The following GPR179 variants were observed in gnomAD, a reference collection of about 807,000 sequenced individuals.
The protein encoded by GPR179 is G protein-coupled receptor 179.
A neutral mutation model predicts 70.8 loss-of-function variants in GPR179; 52 were observed. That is an observed-to-expected ratio of 0.73 (90% CI 0.59 to 0.93). GPR179 has a LOEUF of 0.93. Ranked by LOEUF, GPR179 falls within the 40% of genes least tolerant of loss-of-function variation. The pLI is 0.00. For synonymous variants in GPR179, 1,123 were observed against 1,169.0 expected (o/e 0.96, Z 0.80); for missense variants, 2,734 against 2,966.8 (o/e 0.92, Z 1.82).
At position 38,333,065 on chromosome 17, in the gene GPR179, G is replaced by C. The variant is rs12601798; in HGVS notation, c.2037+186C>G. ...CTGGGGCTTTGGGGTCTTCCCACTT[G>C]GGTGTGTGTGGCCTCCTTTGAATAG... On this transcript the variant is annotated intron_variant, in intron 10 of 10. Coordinates refer to ENST00000616987, the MANE Select transcript of GPR179 (RefSeq NM_001004334.4). 1.4e-4 allele frequency among the ~76,000 whole-genome samples: 21 copies of C among 152,356 alleles called. 1 individual carries two copies. The East Asian group carries it at 4.1e-3, about 29-fold the overall frequency.
Position 38,328,682 on chromosome 17 carries a change from G to A in GPR179, c.4887C>T (p.Ile1629=), listed in dbSNP as rs370183707. ...DKEKMPGKSE[I]EDVTAWEKPE... ...GCTTTTCCCAAGCTGTGACATCTTC[G>A]ATTTCCGATTTTCCAGGCATTTTCT... The change falls in exon 11 of 11, where the codon ATC becomes ATT. Residue 1629 remains isoleucine (I), a synonymous_variant. Transcript: ENST00000616987. 9 of 1,613,960 alleles carry A rather than the reference G, an allele frequency of 5.6e-6. No homozygotes were observed. The highest frequency in any genetic ancestry group is 1.7e-5 in the Admixed American group (1 of 60,004).
chr17:38,335,362 C>A, intron 6 of GPR179, 91 bp from the exon 7 acceptor site: 1 of 981,414 alleles, frequency 1.0e-6, no homozygotes, highest in Non-Finnish European at 1.5e-6. Context: ...CCATTGCTGC[C>A]CTCTCCTCCA....
In GPR179 at chr17:38,324,814, G is replaced by T. The variant is rs1214347873; in HGVS notation, c.*1651C>A. Among the ~76,000 whole-genome samples, 1 of 152,244 alleles carries T rather than the reference G, an allele frequency of 6.6e-6. No individual in the cohort carries two copies. The highest frequency in any genetic ancestry group is 1.9e-4 in the East Asian group (1 of 5,196). Reference sequence around the variant, plus strand: ...GAATAAGGGCCCTAGGTAAGAGAATGAGGACATCTGGTCCCCAAAGGAGAG... The same window carrying T: ...GAATAAGGGCCCTAGGTAAGAGAATTAGGACATCTGGTCCCCAAAGGAGAG... On this transcript the variant is annotated 3_prime_UTR_variant, in exon 11 of 11. Transcript: ENST00000616987.
At chr17:38,333,189 T>C in intron 10 of GPR179, 62 bp downstream of exon 10, 1 of 1,509,152 alleles carries the variant, frequency 6.6e-7, no homozygotes, top group Non-Finnish European at 9.1e-7. Flanking sequence ...CAGGGCCCAG[T>C]CCTCCCTCTG....
chr17:38,327,135 T>C lies in GPR179; in HGVS notation c.6434A>G (p.Gln2145Arg). The C allele has an allele frequency of 6.2e-7, 1 of 1,614,262 alleles. No individual in the cohort carries two copies. The highest frequency in any genetic ancestry group is 1.1e-5 in the South Asian group (1 of 91,086). Residue 2145 changes from glutamine to arginine, a missense_variant, in exon 11 of 11, where the codon CAG (glutamine) becomes CGG (arginine). Gln to Arg is a conservative substitution (Grantham distance 43, BLOSUM62 1). Transcript: ENST00000616987. ...TCCTTGCCCTTGTGATTCTCTTTCCTGTTCCCCTTCCTCTGCTGCTCCTCC... is the reference window on the plus strand; with the variant it reads ...TCCTTGCCCTTGTGATTCTCTTTCCCGTTCCCCTTCCTCTGCTGCTCCTCC... Reference protein sequence around the residue: ...AGGGAAEEGEQERESQGQGEM... With the variant: ...AGGGAAEEGERERESQGQGEM...
At position 38,334,678 on chromosome 17, in the gene GPR179, G is replaced by A; in HGVS notation, c.1784+26C>T. 3 of 1,610,826 alleles carry A rather than the reference G, an allele frequency of 1.9e-6. No individual in the cohort carries two copies. Among genetic ancestry groups the A allele is most frequent in the Non-Finnish European group, 2.5e-6 (3 of 1,177,938 alleles). On this transcript the variant is annotated intron_variant, in intron 8 of 10. Transcript: ENST00000616987. The surrounding 1 kb of genome is among the most constrained non-coding windows in gnomAD (Gnocchi z 4.7). ...AGGAGTACTGTTAGAGTGGAAGGGG[G>A]TGTGGGGAGGTGAGTCCGTCCTCAC...
Position 38,329,304 on chromosome 17 carries a change from C to T in GPR179, c.4265G>A (p.Gly1422Glu), listed in dbSNP as rs972121199. ...ATFWKEQKPG[G>E]DLESLCPWES... Reference sequence around the variant, plus strand: ...CCATGGACAAAGAGACTCCAAGTCTCCTCCCGGTTTCTGTTCTTTCCAAAA... The same window carrying T: ...CCATGGACAAAGAGACTCCAAGTCTTCTCCCGGTTTCTGTTCTTTCCAAAA... Residue 1422 changes from glycine (G) to glutamate (E), a missense_variant, in exon 11 of 11, where the codon GGA becomes GAA. Gly to Glu is a moderately conservative substitution (Grantham distance 98). Coordinates refer to ENST00000616987, the MANE Select transcript of GPR179 (RefSeq NM_001004334.4). The T allele has an allele frequency of 6.2e-7, 1 of 1,612,726 alleles. No homozygotes were observed.
intron 1 of GPR179, among the ~76,000 whole-genome samples, chr17:38,340,427 C>A (rs1423967541): frequency 6.6e-6 from 1 of 152,228 alleles, no homozygotes; most frequent in African/African-American, 2.4e-5. Flanking sequence ...CAAACATATG[C>A]CACCATGCCT....
chr17:38,333,266 G>T lies in GPR179; in HGVS notation c.2022C>A (p.Asp674Glu), dbSNP rs79623844. The T allele has an allele frequency of 1.2e-6, 2 of 1,614,018 alleles. No individual in the cohort carries two copies. The highest frequency in any genetic ancestry group is 4.5e-5 in the East Asian group (2 of 44,872). Residue 674 changes from aspartate (D) to glutamate (E), a missense_variant, in exon 10 of 11, where the codon GAC becomes GAA. Asp to Glu is a conservative substitution (Grantham distance 45). Transcript: ENST00000616987. ...TGGCACATACCCGAATGTCTCCAGG[G>T]TCCAGGCTGTGCTCACTCCAGGCTG... ...IASAWSEHSL[D>E]PGDIRDELKK...
chr17:38,337,661 A>ACC lies in GPR179; in HGVS notation c.962_963insGG (p.Gly322ValfsTer12). On this transcript the variant is annotated frameshift_variant, in exon 3 of 11. Coordinates refer to ENST00000616987, the MANE Select transcript of GPR179 (RefSeq NM_001004334.4). LOFTEE classifies it high-confidence loss of function. ...CAGAGGGGCTTGCCCCGTAGAATCC[A>ACC]GGTCGGCAGCGGCAGAGGTAGCGGC... The ACC allele has an allele frequency of 6.2e-7, 1 of 1,602,658 alleles. No homozygotes were observed. The highest frequency in any genetic ancestry group is 2.3e-5 in the East Asian group (1 of 43,542).
Position 38,341,836 on chromosome 17 carries a change from C to T in GPR179, c.794+1160G>A, listed in dbSNP as rs146464113. Among the ~76,000 whole-genome samples, 1,007 of 152,150 alleles carry T rather than the reference C, an allele frequency of 6.6e-3. 19 individuals carry two copies. Among genetic ancestry groups the T allele is most frequent in the African/African-American group, 0.024 (982 of 41,532 alleles). On this transcript the variant is annotated intron_variant, in intron 1 of 10. Transcript: ENST00000616987. ...CAAGCCCCCTCAAGAGTTTTCCTTC[C>T]GCTGGGTGTGGTGGCTCACACCTGT... is the stretch of plus-strand genomic sequence containing the variant.
chr17:38,335,650 G>T lies in GPR179; in HGVS notation c.1347C>A (p.Arg449=). The T allele has an allele frequency of 6.2e-7, 1 of 1,614,164 alleles. No individual in the cohort carries two copies. Among genetic ancestry groups the T allele is most frequent in the Non-Finnish European group, 8.5e-7 (1 of 1,179,988 alleles). The change falls in exon 6 of 11, where the codon CGC becomes CGA. Residue 449 remains arginine, a synonymous_variant. Coordinates refer to ENST00000616987, the MANE Select transcript of GPR179 (RefSeq NM_001004334.4). ...TGGCAAAACCCAGCAGCCGCACCCAGCGAAGAGCGATGCAGCGGAATACAC... is the reference window on the plus strand; with the variant it reads ...TGGCAAAACCCAGCAGCCGCACCCATCGAAGAGCGATGCAGCGGAATACAC... ...KPSVFRCIAL[R]WVRLLGFAIV... is the part of the protein sequence containing the mutation.
In GPR179 at chr17:38,343,386, C is replaced by T. The variant is rs780331550; in HGVS notation, c.404G>A (p.Arg135His). 7 of 1,614,178 alleles carry T rather than the reference C, an allele frequency of 4.3e-6. No homozygotes were observed. The highest frequency in any genetic ancestry group is 3.3e-5 in the South Asian group (3 of 91,080). ...EDVEWYQALV[R>H]SVAEGDPRVY... ...TCTTGGGTCCCCCTCGGCCACGCTG[C>T]GGACCAGTGCCTGGTACCATTCCAC... Residue 135 changes from arginine to histidine, a missense_variant, in exon 1 of 11, where the codon CGC (arginine) becomes CAC (histidine). Physicochemically the swap from Arg to His is conservative, Grantham distance 29. Coordinates refer to ENST00000616987, the MANE Select transcript of GPR179 (RefSeq NM_001004334.4). This position sits in a 1 kb window ranked among gnomAD's most constrained non-coding sequence, Gnocchi z 4.2.
Position 38,327,145 on chromosome 17 carries a change from C to G in GPR179, c.6424G>C (p.Glu2142Gln), listed in dbSNP as rs1349401680. ...PWEAGGGAAE[E>Q]GEQERESQGQ... ...TGTGATTCTCTTTCCTGTTCCCCTT[C>G]CTCTGCTGCTCCTCCACCCGCCTCC... Residue 2142 changes from glutamate to glutamine, a missense_variant, in exon 11 of 11, where the codon GAA (glutamate) becomes CAA (glutamine). By Grantham distance (29) the Glu-to-Gln change is conservative. Coordinates refer to ENST00000616987, the MANE Select transcript of GPR179 (RefSeq NM_001004334.4). The G allele has an allele frequency of 6.2e-7, 1 of 1,614,264 alleles. No homozygotes were observed. The highest frequency in any genetic ancestry group is 8.5e-7 in the Non-Finnish European group (1 of 1,180,048).
At chr17:38,332,860 G>A (rs1169854639) in intron 10 of GPR179, among the ~76,000 whole-genome samples, 1 of 152,246 alleles carries the variant, frequency 6.6e-6, no homozygotes, top group Non-Finnish European at 1.5e-5. Context: ...GCCTGCCTTG[G>A]CCTCCCAAAA....
chr17:38,329,785 C>A lies in GPR179; in HGVS notation c.3784G>T (p.Ala1262Ser). The A allele has an allele frequency of 6.2e-7, 1 of 1,614,148 alleles. No individual in the cohort carries two copies. Among genetic ancestry groups the A allele is most frequent in the Non-Finnish European group, 8.5e-7 (1 of 1,180,028 alleles). Residue 1262 changes from alanine to serine, a missense_variant, in exon 11 of 11, where the codon GCC (alanine) becomes TCC (serine). Physicochemically the swap from Ala to Ser is moderately conservative, Grantham distance 99 (BLOSUM62 1). Transcript: ENST00000616987. ...ETRQPDSGNK[A>S]EICPWETSEG... ...CTCGTCTCCCAGGGGCAGATTTCGG[C>A]CTTGTTGCCACTGTCTGGCTGACGC...
Position 38,326,077 on chromosome 17 carries a change from T to G in GPR179, c.*388A>C, listed in dbSNP as rs1018088318. On this transcript the variant is annotated 3_prime_UTR_variant, in exon 11 of 11. Transcript: ENST00000616987. ...TGCTCCATCGTAGACTTCAGAGAAT[T>G]GGGTCCCCCTGTGAGAGAAGGTAGG... is the stretch of plus-strand genomic sequence containing the variant. 9.9e-6 allele frequency: 2 copies of G among 201,636 alleles called. No individual in the cohort carries two copies. Among genetic ancestry groups the G allele is most frequent in the Non-Finnish European group, 2.0e-5 (2 of 100,856 alleles). The allele number at this position is 201,636 out of a possible 1,614,324, so 12.5% of individuals were successfully genotyped here.
In GPR179 at chr17:38,343,201, G is replaced by A; in HGVS notation, c.589C>T (p.Leu197=). Reference sequence around the variant, plus strand: ...TCATTGGTCAACACTCGCTTCTTCAGGGCAGGGGTGTCCAGGTCCCCAGGA... The same window carrying A: ...TCATTGGTCAACACTCGCTTCTTCAAGGCAGGGGTGTCCAGGTCCCCAGGA... ...NPPGDLDTPA[L]KKRVLTNDLG... is the part of the protein sequence containing the mutation. Residue 197 remains leucine, a synonymous_variant, in exon 1 of 11, where the codon CTG becomes TTG. Transcript: ENST00000616987. This position sits in a 1 kb window ranked among gnomAD's most constrained non-coding sequence, Gnocchi z 4.2. The A allele has an allele frequency of 6.2e-7, 1 of 1,614,104 alleles. No individual in the cohort carries two copies. Among genetic ancestry groups the A allele is most frequent in the Non-Finnish European group, 8.5e-7 (1 of 1,179,980 alleles).
chr17:38,330,115 A>ATAAGCGTT lies in GPR179; in HGVS notation c.3453_3454insAACGCTTA (p.Ser1152AsnfsTer35). ...TGAGCGTTCTGTTGGTTCTGGAGGG[A>ATAAGCGTT]CTCCTTGTCATCGGAGGGGATAAGA... On this transcript the variant is annotated frameshift_variant, in exon 11 of 11. Coordinates refer to ENST00000616987, the MANE Select transcript of GPR179 (RefSeq NM_001004334.4). LOFTEE classifies it low-confidence loss of function (END_TRUNC). The ATAAGCGTT allele has an allele frequency of 6.2e-7, 1 of 1,608,654 alleles. No homozygotes were observed. The highest frequency in any genetic ancestry group is 8.5e-7 in the Non-Finnish European group (1 of 1,177,046).
Sources: allele counts gnomAD v4.1 joint callset (sites outside exome capture counted in the v4.1 genomes callset), GRCh38; gene constraint gnomAD v4.1.1; non-coding constraint Gnocchi (gnomAD v3.1); transcripts MANE v1.5; gene names NCBI Gene and HGNC (gene_info 2026-07-23, HGNC 2026-07-21).